The following PTPRN2 variants were observed in gnomAD, a reference collection of about 807,000 sequenced individuals.
PTPRN2 encodes the protein protein tyrosine phosphatase receptor type N2.
PTPRN2 carries 74 observed loss-of-function variants against 118.8 expected under a neutral mutation model. That is an observed-to-expected ratio of 0.62 (90% CI 0.52 to 0.76). The LOEUF (loss-of-function observed/expected upper bound fraction) is 0.76, where lower values mean the gene tolerates loss of function less well. PTPRN2 is among the 30% of genes least tolerant of loss of function. The pLI is 0.00. For synonymous variants in PTPRN2, 641 were observed against 608.0 expected, an observed-to-expected ratio of 1.05 and a Z score of -0.80; for missense variants, 1,481 against 1,394.4, an observed-to-expected ratio of 1.06 and a Z score of -0.99.
At chr7:157,823,659 T>G (rs1441441061) in intron 12 of PTPRN2, among the ~76,000 whole-genome samples, 1 of 152,214 alleles carries the variant, frequency 6.6e-6, no homozygotes, top group East Asian at 1.9e-4. Context: ...GATCATCAAG[T>G]TCATATGACA....
chr7:157,796,379 T>C (rs973856709), intron 12 of PTPRN2, among the ~76,000 whole-genome samples: 2 of 151,284 alleles, frequency 1.3e-5, no homozygotes, highest in Admixed American at 1.3e-4. Flanking sequence ...GGCTCTGAGC[T>C]CATCTACACC....
intron 11 of PTPRN2, among the ~76,000 whole-genome samples, chr7:158,076,328 G>T (rs1007014977): frequency 6.6e-6 from 1 of 152,202 alleles, no homozygotes; most frequent in Non-Finnish European, 1.5e-5. Flanking sequence ...TGGGTGTGTG[G>T]GAGCGTGGAT....
intron 21 of PTPRN2, among the ~76,000 whole-genome samples, chr7:157,549,801 G>C (rs904749534): frequency 2.6e-5 from 4 of 152,236 alleles, no homozygotes. Flanking sequence ...CCGCCAGGAT[G>C]AGAAACACAG....
chr7:157,797,844 T>G (rs1385706416), intron 12 of PTPRN2, among the ~76,000 whole-genome samples: 1 of 152,256 alleles, frequency 6.6e-6, no homozygotes, highest in East Asian at 1.9e-4. Context: ...TCTTGAATTC[T>G]GAGCCCATTC....
chr7:158,413,191 G>A (rs924314127), intron 2 of PTPRN2, among the ~76,000 whole-genome samples: 5 of 152,216 alleles, frequency 3.3e-5, no homozygotes, highest in African/African-American at 1.2e-4. Flanking sequence ...CTTGATAACA[G>A]ATGCAAGCTC....
intron 11 of PTPRN2, chr7:158,030,385 A>G (rs1388048949): frequency 6.6e-6 from 1 of 152,236 alleles, no homozygotes; most frequent in Non-Finnish European, 1.5e-5. Context: ...TATGTCCCCC[A>G]GCAAAGCACA....
At chr7:158,207,034 C>T (rs1299865328) in intron 3 of PTPRN2, among the ~76,000 whole-genome samples, 9 of 145,572 alleles carry the variant, frequency 6.2e-5, no homozygotes, top group Non-Finnish European at 1.2e-4. Flanking sequence ...GTTCAATTCC[C>T]GCCTATGAGT....
intron 12 of PTPRN2, among the ~76,000 whole-genome samples, chr7:157,885,822 C>T (rs770685004): frequency 2.5e-4 from 38 of 152,342 alleles, no homozygotes; most frequent in Non-Finnish European, 5.3e-4. Flanking sequence ...CTGGTGCTGG[C>T]ACCGGCTGCC....
chr7:157,580,587 C>T (rs1357217516), intron 17 of PTPRN2, among the ~76,000 whole-genome samples: 68 of 144,596 alleles, frequency 4.7e-4, no homozygotes, highest in African/African-American at 1.5e-3. Context: ...CCCCTGCACA[C>T]CCCAGCACCT....
At chr7:157,556,915 C>T (rs1050037232) in intron 21 of PTPRN2, among the ~76,000 whole-genome samples, 1 of 151,772 alleles carries the variant, frequency 6.6e-6, no homozygotes, top group East Asian at 1.9e-4. Flanking sequence ...CACATATACA[C>T]AGGAATGCAC....
chr7:157,731,501 G>T (rs13227403), intron 12 of PTPRN2, among the ~76,000 whole-genome samples: 17,139 of 125,034 alleles, frequency 0.14, 445 homozygotes, highest in East Asian at 0.3. Context: ...CGTCCCATGC[G>T]CCCAGCACAG....
In PTPRN2 at chr7:157,689,762, C is replaced by T. The variant is rs574935153; in HGVS notation, c.1789-6825G>A. On this transcript the variant is annotated intron_variant, in intron 12 of 22. Coordinates refer to ENST00000389418, the MANE Select transcript of PTPRN2 (RefSeq NM_002847.5). ...GGGGAGGCGCTGAGAAAGCGCAGTT[C>T]TCTTTGGGGGAGGAGAGATGGCCTC... Among the ~76,000 whole-genome samples the T allele has an allele frequency of 5.9e-5, 9 of 152,326 alleles. No homozygotes were observed. The East Asian group carries it at 1.5e-3, about 26-fold the overall frequency.
intron 6 of PTPRN2, among the ~76,000 whole-genome samples, chr7:158,162,131 G>GT (rs1822417967): frequency 6.6e-6 from 1 of 152,204 alleles, no homozygotes; most frequent in Admixed American, 6.5e-5. Flanking sequence ...TTCACCACTG[G>GT]TGGCACGCAG....
chr7:157,693,034 G>C (rs1037655251), intron 12 of PTPRN2, among the ~76,000 whole-genome samples: 1 of 151,982 alleles, frequency 6.6e-6, no homozygotes, highest in Non-Finnish European at 1.5e-5. Context: ...CCCCAGGCCC[G>C]GCCCTGGGCA....
intron 11 of PTPRN2, among the ~76,000 whole-genome samples, chr7:157,975,431 G>A (rs1802667515): frequency 6.6e-6 from 1 of 152,106 alleles, no homozygotes; most frequent in African/African-American, 2.4e-5. Flanking sequence ...GGTCACCATT[G>A]TGTCCTCTTG....
chr7:158,252,496 G>A (rs540820323), intron 3 of PTPRN2, among the ~76,000 whole-genome samples: 5 of 152,170 alleles, frequency 3.3e-5, no homozygotes, highest in South Asian at 2.1e-4. Context: ...CTGATAGCCC[G>A]GAGCCCTATC....
At chr7:158,008,395 C>T (rs1465735) in intron 11 of PTPRN2, among the ~76,000 whole-genome samples, 1,829 of 152,282 alleles carry the variant, frequency 0.012, 34 homozygotes, top group African/African-American at 0.04. Context: ...GAGAAGGCCG[C>T]GGGGGCTCCC....
At chr7:158,087,866 A>G (rs866401023) in intron 10 of PTPRN2, among the ~76,000 whole-genome samples, 21 of 71,554 alleles carry the variant, frequency 2.9e-4, no homozygotes, top group East Asian at 1.5e-3. Flanking sequence ...TGAAGGAGGG[A>G]GTCTTCACAC....
intron 1 of PTPRN2, among the ~76,000 whole-genome samples, chr7:158,530,839 A>G (rs1191866013): frequency 6.6e-6 from 1 of 152,182 alleles, no homozygotes; most frequent in Non-Finnish European, 1.5e-5. Context: ...GTGTCGGGCC[A>G]TGTGGGTCCC....
Sources: allele counts gnomAD v4.1 joint callset (sites outside exome capture counted in the v4.1 genomes callset), GRCh38; gene constraint gnomAD v4.1.1; transcripts MANE v1.5; gene names NCBI Gene and HGNC (gene_info 2026-07-23, HGNC 2026-07-21).